Variants in CTNNA2 observed in about 807,000 individuals in gnomAD.
CTNNA2 encodes the protein catenin alpha-2.
CTNNA2 carries 42 observed loss-of-function variants against 101.0 expected under a neutral mutation model. The ratio of observed to expected loss-of-function variants is 0.42; its 90% CI spans 0.32 to 0.54. The LOEUF (loss-of-function observed/expected upper bound fraction) is 0.54, where lower values mean the gene tolerates loss of function less well. CTNNA2 is among the 20% of genes least tolerant of loss of function. CTNNA2 has a pLI of 0.14. For missense variants in CTNNA2, 871 were observed against 1,223.1 expected (o/e 0.71, Z 4.29); for synonymous variants, 450 against 456.4 (o/e 0.99, Z 0.18).
chr2:79,743,477 A>T (rs956533920), intron 2 of CTNNA2, among the ~76,000 whole-genome samples: 1 of 152,054 alleles, frequency 6.6e-6, no homozygotes, highest in African/African-American at 2.4e-5. Flanking sequence ...TTAACTAAAC[A>T]TTGAGTCTGA....
At chr2:79,630,768 G>C (rs758476424) in intron 1 of CTNNA2, among the ~76,000 whole-genome samples, 1 of 152,158 alleles carries the variant, frequency 6.6e-6, no homozygotes, top group Non-Finnish European at 1.5e-5. Context: ...GGTGACGTAG[G>C]AGCCATCAAT....
chr2:79,693,050 C>A (rs1684420787), intron 2 of CTNNA2, among the ~76,000 whole-genome samples: 1 of 151,428 alleles, frequency 6.6e-6, no homozygotes, highest in Non-Finnish European at 1.5e-5. Context: ...AAAAATAAAG[C>A]TATATACTAT....
At chr2:79,471,844 CA>C (rs1025971380) in intron 4 of CTNNA2, among the ~76,000 whole-genome samples, 26 of 146,000 alleles carry the variant, frequency 1.8e-4, no homozygotes, top group Non-Finnish European at 3.5e-4. Flanking sequence ...TCTCAAAAAA[CA>C]AAAAAAAAAG....
chr2:79,214,043 T>C (rs1033561875), intron 2 of CTNNA2, among the ~76,000 whole-genome samples: 3 of 152,116 alleles, frequency 2.0e-5, no homozygotes, highest in Non-Finnish European at 4.4e-5. Context: ...TAACTATGCC[T>C]AGGAAGGAAA....
At chr2:79,722,949 A>G (rs567363322) in intron 2 of CTNNA2, among the ~76,000 whole-genome samples, 2 of 152,320 alleles carry the variant, frequency 1.3e-5, no homozygotes, top group South Asian at 4.1e-4. Flanking sequence ...AAAGTGAACC[A>G]CCTTTTTATT....
intron 7 of CTNNA2, among the ~76,000 whole-genome samples, chr2:80,371,717 C>T (rs546341019): frequency 6.6e-6 from 1 of 152,122 alleles, no homozygotes; most frequent in South Asian, 2.1e-4. Context: ...GTGAAAGAGC[C>T]TAGAGGCATG....
chr2:80,398,315 T>C (rs1262107521), intron 8 of CTNNA2, among the ~76,000 whole-genome samples: 1 of 152,160 alleles, frequency 6.6e-6, no homozygotes, highest in African/African-American at 2.4e-5. Context: ...TTTGAATCTG[T>C]TTTTCTTCAT....
intron 1 of CTNNA2, among the ~76,000 whole-genome samples, chr2:79,591,664 T>A (rs73938732): frequency 6.6e-6 from 1 of 152,186 alleles, no homozygotes; most frequent in Non-Finnish European, 1.5e-5. Context: ...TTAGTTTTTC[T>A]AATCTTTCTG....
chr2:79,627,230 A>G (rs1679378141), intron 1 of CTNNA2, among the ~76,000 whole-genome samples: 1 of 152,258 alleles, frequency 6.6e-6, no homozygotes. Flanking sequence ...TCAAAGAACC[A>G]GGTTTCTTCC....
chr2:79,948,579 G>A (rs2916486), intron 7 of CTNNA2, among the ~76,000 whole-genome samples: 34,636 of 152,132 alleles, frequency 0.23, 4,165 homozygotes, highest in Middle Eastern at 0.34. Context: ...AGAGAGCTAA[G>A]CTCTGACAAT....
chr2:79,249,870 CTT>C (rs1228807596), intron 2 of CTNNA2, among the ~76,000 whole-genome samples: 1 of 152,188 alleles, frequency 6.6e-6, no homozygotes, highest in African/African-American at 2.4e-5. Context: ...ACCCCACTAA[CTT>C]TTGCCATTAC....
chr2:80,262,858 C>A (rs745598266), intron 7 of CTNNA2, among the ~76,000 whole-genome samples: 2 of 152,032 alleles, frequency 1.3e-5, no homozygotes, highest in Non-Finnish European at 2.9e-5. Context: ...AAAATCAGGA[C>A]CCTTTCAAAA....
chr2:79,287,851 C>T (rs1208225308), intron 2 of CTNNA2, among the ~76,000 whole-genome samples: 2 of 152,208 alleles, frequency 1.3e-5, no homozygotes, highest in Non-Finnish European at 1.5e-5. Flanking sequence ...CCCAGCCTCG[C>T]TGCCACCTTG....
chr2:79,259,617 TGA>T, intron 2 of CTNNA2, among the ~76,000 whole-genome samples: 1 of 152,170 alleles, frequency 6.6e-6, no homozygotes, highest in East Asian at 1.9e-4. Context: ...AGGACAAGTT[TGA>T]GTTGGGGGCC....
At chr2:80,270,345 G>A (rs1673366327) in intron 7 of CTNNA2, among the ~76,000 whole-genome samples, 1 of 152,074 alleles carries the variant, frequency 6.6e-6, no homozygotes, top group Non-Finnish European at 1.5e-5. Flanking sequence ...TATGAAGATG[G>A]AAAAGACAAG....
rs1248216700 is a variant in CTNNA2 at position 79,851,377 on chromosome 2, T to C, written c.299-6636T>C. Among the ~76,000 whole-genome samples, 3 of 152,356 alleles carry C rather than the reference T, an allele frequency of 2.0e-5. No homozygotes were observed. The East Asian group carries it at 5.8e-4, about 29-fold the overall frequency. On this transcript the variant is annotated intron_variant, in intron 3 of 18. Coordinates refer to ENST00000402739, the MANE Select transcript of CTNNA2 (RefSeq NM_001282597.3). ...TGTTCTGAAGTTGGACATTGTTGAC[T>C]GAATTACCGTTTTAAGATTCTGTTA...
chr2:79,392,798 T>G (rs1678189136), intron 4 of CTNNA2, among the ~76,000 whole-genome samples: 2 of 152,196 alleles, frequency 1.3e-5, no homozygotes, highest in Admixed American at 6.6e-5. Flanking sequence ...CTCTTAATGA[T>G]ATCCTATGCA....
intron 9 of CTNNA2, among the ~76,000 whole-genome samples, chr2:80,462,386 T>C (rs923523027): frequency 6.6e-6 from 1 of 152,170 alleles, no homozygotes; most frequent in African/African-American, 2.4e-5. Flanking sequence ...AGAGTCTCTA[T>C]CTAGGGTATA....
chr2:80,606,666 T>A (rs1698057283), intron 16 of CTNNA2, among the ~76,000 whole-genome samples: 2 of 151,986 alleles, frequency 1.3e-5, no homozygotes, highest in African/African-American at 4.8e-5. Context: ...ATGTGTATTT[T>A]AACTGCTTTG....
Sources: gnomAD v4.1 joint callset for allele counts (sites outside exome capture counted in the v4.1 genomes callset) on GRCh38, gnomAD v4.1.1 for gene constraint, MANE v1.5 for transcripts, NCBI Gene and HGNC (gene_info 2026-07-23, HGNC 2026-07-21) for gene names.